SDHAF3: variants seen among roughly 807,000 people sequenced by gnomAD.
The protein encoded by SDHAF3 is succinate dehydrogenase complex assembly factor 3, also known as succinate dehydrogenase assembly factor 3, mitochondrial.
SDHAF3 carries 18 observed loss-of-function variants against 11.5 expected under a neutral mutation model. The observed-to-expected ratio is 1.56, with a 90% CI of 1.08 to 2.32. SDHAF3 has a LOEUF of 2.32. Among genes scored for constraint, SDHAF3 ranks in the 30% most tolerant of loss-of-function variants. SDHAF3 has a pLI of 0.00. For synonymous variants in SDHAF3, 72 were observed against 59.3 expected (o/e 1.21, Z -0.99); for missense variants, 200 against 154.4 (o/e 1.30, Z -1.57).
At chr7:97,168,085 G>A (rs988852299) in intron 1 of SDHAF3, among the ~76,000 whole-genome samples, 2 of 152,174 alleles carry the variant, frequency 1.3e-5, no homozygotes, top group African/African-American at 4.8e-5. Flanking sequence ...GGGAGCCCTG[G>A]TATTCAGTCT....
chr7:97,127,380 A>G (rs1237258966), intron 1 of SDHAF3, among the ~76,000 whole-genome samples: 2 of 152,194 alleles, frequency 1.3e-5, no homozygotes, highest in Non-Finnish European at 2.9e-5. Flanking sequence ...GTGATAATTT[A>G]GTTATTATAA....
chr7:97,143,726 G>T (rs1219687694), intron 1 of SDHAF3, among the ~76,000 whole-genome samples: 1 of 151,090 alleles, frequency 6.6e-6, no homozygotes, highest in Non-Finnish European at 1.5e-5. Flanking sequence ...TCCACTCATT[G>T]ATTGATGGGC....
chr7:97,140,431 C>T (rs549598404), intron 1 of SDHAF3, among the ~76,000 whole-genome samples: 9 of 148,886 alleles, frequency 6.0e-5, no homozygotes, highest in Admixed American at 2.7e-4. Context: ...CTGCAAGCTC[C>T]GCCTCCCGGG....
chr7:97,157,781 G>A (rs964447979), intron 1 of SDHAF3, among the ~76,000 whole-genome samples: 4 of 152,194 alleles, frequency 2.6e-5, no homozygotes, highest in Admixed American at 6.5e-5. Flanking sequence ...GAAATGCTAT[G>A]CAGCCATAAA....
intron 1 of SDHAF3, among the ~76,000 whole-genome samples, chr7:97,147,824 C>T (rs1003116017): frequency 6.6e-6 from 1 of 152,168 alleles, no homozygotes; most frequent in African/African-American, 2.4e-5. Flanking sequence ...AACATTGTTT[C>T]TTACTTTGGT....
intron 1 of SDHAF3, among the ~76,000 whole-genome samples, chr7:97,157,577 G>C (rs1314538004): frequency 6.6e-6 from 1 of 152,140 alleles, no homozygotes; most frequent in Admixed American, 6.5e-5. Flanking sequence ...CAAGGATCTA[G>C]AACTAGAAAT....
chr7:97,153,275 G>T (rs903392383), intron 1 of SDHAF3, among the ~76,000 whole-genome samples: 2 of 152,156 alleles, frequency 1.3e-5, no homozygotes. Flanking sequence ...CTTTTCTGGC[G>T]TGTTACATGT....
intron 1 of SDHAF3, 99 bp downstream of exon 1, chr7:97,117,996 A>G (rs1418891168): frequency 1.4e-5 from 20 of 1,393,034 alleles, no homozygotes; most frequent in Non-Finnish European, 2.0e-5. Flanking sequence ...CAGAGCAGCA[A>G]CCTGTTCTGT....
At chr7:97,159,202 C>G (rs1789358215) in intron 1 of SDHAF3, among the ~76,000 whole-genome samples, 1 of 152,166 alleles carries the variant, frequency 6.6e-6, no homozygotes, top group Non-Finnish European at 1.5e-5. Flanking sequence ...ATGTCTTGTT[C>G]TTAAAACATA....
At position 97,175,061 on chromosome 7, in the gene SDHAF3, C is replaced by T. The variant is rs539228060; in HGVS notation, c.175-5951C>T. Among the ~76,000 whole-genome samples the T allele has an allele frequency of 2.4e-4, 37 of 152,158 alleles. 1 individual carries two copies. The East Asian group carries it at 6.8e-3, about 28-fold the overall frequency. ...TTGTTTTGGTAATATGTACTAATAT[C>T]AGAAGACATGTAATATCTGGTTGTT... On this transcript the variant is annotated intron_variant, in intron 1 of 1. Coordinates refer to ENST00000432641, the MANE Select transcript of SDHAF3 (RefSeq NM_020186.3).
intron 1 of SDHAF3, among the ~76,000 whole-genome samples, chr7:97,177,627 C>T (rs1789700793): frequency 6.6e-6 from 1 of 152,186 alleles, no homozygotes; most frequent in Non-Finnish European, 1.5e-5. Context: ...ATCTTTTACT[C>T]ATTTTTTAAA....
chr7:97,146,371 T>A (rs1320228882), intron 1 of SDHAF3, among the ~76,000 whole-genome samples: 2 of 152,228 alleles, frequency 1.3e-5, no homozygotes, highest in Non-Finnish European at 2.9e-5. Flanking sequence ...GTGTTTATTA[T>A]GTTGTTAGAA....
chr7:97,157,899 G>A (rs1044358108), intron 1 of SDHAF3, among the ~76,000 whole-genome samples: 2 of 144,462 alleles, frequency 1.4e-5, no homozygotes, highest in Admixed American at 7.3e-5. Flanking sequence ...TCACTCATAG[G>A]TGGGAATTGA....
At chr7:97,172,640 A>G (rs1008578316) in intron 1 of SDHAF3, among the ~76,000 whole-genome samples, 2 of 152,226 alleles carry the variant, frequency 1.3e-5, no homozygotes, top group Non-Finnish European at 2.9e-5. Flanking sequence ...AATGATTTAC[A>G]TTATAAATAA....
intron 1 of SDHAF3, among the ~76,000 whole-genome samples, chr7:97,156,021 T>C (rs973231614): frequency 6.6e-6 from 1 of 152,238 alleles, no homozygotes; most frequent in Admixed American, 6.5e-5. Context: ...TGAACTAATA[T>C]TGACACAGTA....
At chr7:97,148,028 C>G (rs1406794481) in intron 1 of SDHAF3, among the ~76,000 whole-genome samples, 3 of 152,032 alleles carry the variant, frequency 2.0e-5, no homozygotes, top group African/African-American at 7.2e-5. Context: ...CTCAGCCTCC[C>G]AAGTAGCTGG....
intron 1 of SDHAF3, among the ~76,000 whole-genome samples, chr7:97,119,083 C>T (rs886974927): frequency 6.6e-6 from 1 of 152,070 alleles, no homozygotes. Flanking sequence ...TTTTTCTAGT[C>T]TTATTTTCTC....
chr7:97,141,143 A>AC (rs1312337210), intron 1 of SDHAF3, among the ~76,000 whole-genome samples: 1 of 143,048 alleles, frequency 7.0e-6, no homozygotes, highest in Non-Finnish European at 1.5e-5. Flanking sequence ...GGAAATTCCC[A>AC]CCTAATAAAT....
intron 1 of SDHAF3, among the ~76,000 whole-genome samples, chr7:97,118,770 T>A (rs1016210332): frequency 6.6e-6 from 1 of 151,912 alleles, no homozygotes; most frequent in Non-Finnish European, 1.5e-5. Context: ...GGGAGATGAC[T>A]GAAGTCGGCT....
Sources: allele counts gnomAD v4.1 joint callset (sites outside exome capture counted in the v4.1 genomes callset), GRCh38; gene constraint gnomAD v4.1.1; transcripts MANE v1.5; gene names NCBI Gene and HGNC (gene_info 2026-07-23, HGNC 2026-07-21).